Variants in STK32B observed in about 807,000 individuals in gnomAD.
STK32B encodes serine/threonine-protein kinase 32B.
STK32B carries 43 observed loss-of-function variants against 52.6 expected under a neutral mutation model. The ratio of observed to expected loss-of-function variants is 0.82; its 90% CI spans 0.64 to 1.05. The LOEUF is 1.05. Among genes scored for constraint, STK32B ranks in the 50% least tolerant of loss-of-function variants. The probability of loss-of-function intolerance (pLI) is 0.00; values close to 1 mark genes in which losing one functional copy is unlikely to be tolerated. For synonymous variants in STK32B, 238 were observed against 204.3 expected, an observed-to-expected ratio of 1.17 and a Z score of -1.41; for missense variants, 621 against 534.6, an observed-to-expected ratio of 1.16 and a Z score of -1.59.
At chr4:5,446,818 G>T (rs780022896) in intron 7 of STK32B, 42 bp downstream of exon 7, 37 of 1,596,482 alleles carry the variant, frequency 2.3e-5, no homozygotes, top group Non-Finnish European at 2.8e-5. Flanking sequence ...GGGCTGTGCA[G>T]TGGGGGCTCA....
the STK32B span, among the ~76,000 whole-genome samples, chr4:5,024,052 G>A: frequency 6.6e-6 from 1 of 152,184 alleles, no homozygotes. Flanking sequence ...TGGAGCTCAG[G>A]AATGGTTTGA....
intron 3 of STK32B, among the ~76,000 whole-genome samples, chr4:5,302,911 G>T (rs1729658714): frequency 6.6e-6 from 1 of 151,962 alleles, no homozygotes; most frequent in South Asian, 2.1e-4. Flanking sequence ...TTACCATCCA[G>T]GTTGCTGCAA....
At chr4:5,204,080 C>G (rs1009739095) in intron 3 of STK32B, 2 of 152,268 alleles carry the variant, frequency 1.3e-5, no homozygotes, top group Admixed American at 6.5e-5. Flanking sequence ...CCCTGCTGGT[C>G]TTCAGGAAGC....
At chr4:5,478,689 T>C (rs1488534469) in intron 11 of STK32B, among the ~76,000 whole-genome samples, 4 of 152,168 alleles carry the variant, frequency 2.6e-5, no homozygotes, top group Admixed American at 2.6e-4. Flanking sequence ...ATGGAGTGGG[T>C]AGAGACGCCA....
intron 2 of STK32B, among the ~76,000 whole-genome samples, chr4:5,167,598 G>A (rs896224634): frequency 1.3e-5 from 2 of 152,228 alleles, no homozygotes; most frequent in African/African-American, 4.8e-5. Context: ...AGGGTGTGCT[G>A]TGTTAAGCTT....
chr4:5,232,699 A>C (rs1361189664), intron 3 of STK32B, among the ~76,000 whole-genome samples: 1 of 152,156 alleles, frequency 6.6e-6, no homozygotes, highest in Admixed American at 6.6e-5. Flanking sequence ...GTGAAGCTGG[A>C]GATGAAGCCA....
chr4:5,102,562 C>A (rs1431623845), intron 1 of STK32B, among the ~76,000 whole-genome samples: 2 of 144,076 alleles, frequency 1.4e-5, no homozygotes, highest in African/African-American at 5.1e-5. Flanking sequence ...ATGAGTCTTG[C>A]CCTCTTTCCC....
At chr4:5,486,577 C>T (rs1164996289) in intron 11 of STK32B, among the ~76,000 whole-genome samples, 1 of 152,198 alleles carries the variant, frequency 6.6e-6, no homozygotes, top group Non-Finnish European at 1.5e-5. Context: ...GCTCGGTGCG[C>T]TGCACCCACT....
At chr4:5,373,374 C>G (rs1048510508) in intron 4 of STK32B, among the ~76,000 whole-genome samples, 1 of 152,162 alleles carries the variant, frequency 6.6e-6, no homozygotes, top group South Asian at 2.1e-4. Context: ...CTGGCAGATT[C>G]AAGACCCAAG....
At chr4:5,091,811 A>C (rs1463149646) in intron 1 of STK32B, among the ~76,000 whole-genome samples, 1 of 152,258 alleles carries the variant, frequency 6.6e-6, no homozygotes, top group Non-Finnish European at 1.5e-5. Context: ...AATGTTGATC[A>C]ACTGATGAAT....
At chr4:5,450,552 T>C (rs1406794423) in intron 7 of STK32B, among the ~76,000 whole-genome samples, 1 of 152,148 alleles carries the variant, frequency 6.6e-6, no homozygotes, top group Non-Finnish European at 1.5e-5. Flanking sequence ...TTCCTTATAA[T>C]AGAGAAAAAT....
intron 2 of STK32B, among the ~76,000 whole-genome samples, chr4:5,149,257 G>A (rs902775467): frequency 7.3e-5 from 11 of 151,604 alleles, no homozygotes; most frequent in African/African-American, 2.4e-4. Flanking sequence ...TGAGGACAGC[G>A]TATAGTTAGG....
intron 3 of STK32B, among the ~76,000 whole-genome samples, chr4:5,247,781 G>T (rs565869150): frequency 6.6e-6 from 1 of 152,224 alleles, no homozygotes; most frequent in Non-Finnish European, 1.5e-5. Context: ...AGCCAAGGAG[G>T]ATCATTTTCT....
chr4:5,277,151 G>A (rs1369859410), intron 3 of STK32B, among the ~76,000 whole-genome samples: 1 of 152,196 alleles, frequency 6.6e-6, no homozygotes, highest in East Asian at 1.9e-4. Context: ...TTTCAAAATA[G>A]GATATAACAA....
intron 1 of STK32B, chr4:5,127,048 A>G (rs1715406426): frequency 4.1e-6 from 2 of 489,344 alleles, no homozygotes; most frequent in Admixed American, 4.3e-5. Context: ...TGCTGAGATA[A>G]AGGTGCCATG....
At chr4:5,124,455 A>G (rs1715239633) in intron 1 of STK32B, among the ~76,000 whole-genome samples, 1 of 151,978 alleles carries the variant, frequency 6.6e-6, no homozygotes, top group African/African-American at 2.4e-5. Flanking sequence ...TTCCTAACCC[A>G]CCAGAAAGTG....
At chr4:5,237,940 G>A (rs960574261) in intron 3 of STK32B, among the ~76,000 whole-genome samples, 1 of 152,128 alleles carries the variant, frequency 6.6e-6, no homozygotes, top group Non-Finnish European at 1.5e-5. Context: ...TACCTTGGCC[G>A]GGATCACAGT....
rs538973957 is a variant in STK32B at position 5,446,569 on chromosome 4, A to C, written c.563-104A>C. On this transcript the variant is annotated intron_variant, in intron 6 of 11. Transcript: ENST00000282908. ...AAAACTCTATCTCAAAAAAAAACAA[A>C]AAAAAAAAAAACAAGCTCAATTTCT... 3.0e-4 allele frequency: 322 copies of C among 1,064,622 alleles called. 1 individual carries two copies. Among genetic ancestry groups the C allele is most frequent in the African/African-American group, 2.5e-3 (157 of 62,042 alleles). 65.9% of individuals were successfully genotyped at this position (1,064,622 alleles called of 1,614,324 possible).
chr4:5,035,781 AT>A, the STK32B span, among the ~76,000 whole-genome samples: 18,321 of 143,704 alleles, frequency 0.13, 1,124 homozygotes, highest in Middle Eastern at 0.21. Flanking sequence ...GGATCTGTAA[AT>A]TTTTTTTTTT....
Sources: allele counts gnomAD v4.1 joint callset (sites outside exome capture counted in the v4.1 genomes callset), GRCh38; gene constraint gnomAD v4.1.1; transcripts MANE v1.5; gene names NCBI Gene and HGNC (gene_info 2026-07-23, HGNC 2026-07-21).